The following NTRK2 variants were observed in gnomAD, a reference collection of about 807,000 sequenced individuals.
NTRK2 encodes neurotrophic receptor tyrosine kinase 2.
Under a neutral mutation model 94.5 loss-of-function variants are expected in NTRK2, and 13 were observed. The ratio of observed to expected loss-of-function variants is 0.14; its 90% CI spans 0.09 to 0.22. The LOEUF is 0.22. Among genes scored for constraint, NTRK2 ranks in the 10% least tolerant of loss-of-function variants. NTRK2 has a pLI of 1.00. For missense variants in NTRK2, 639 were observed against 1,071.2 expected (o/e 0.60, Z 5.63); for synonymous variants, 372 against 407.4 (o/e 0.91, Z 1.05).
chr9:84,688,002 C>T (rs2059821196), intron 2 of NTRK2, among the ~76,000 whole-genome samples: 1 of 152,174 alleles, frequency 6.6e-6, no homozygotes, highest in African/African-American at 2.4e-5. Context: ...TTGGACCTCC[C>T]CCTTTCCCTT....
intron 12 of NTRK2, among the ~76,000 whole-genome samples, chr9:84,823,730 A>C (rs2073002331): frequency 6.6e-6 from 1 of 151,940 alleles, no homozygotes; most frequent in Non-Finnish European, 1.5e-5. Context: ...TTTATGTGAA[A>C]TTTTCTAGTT....
At chr9:84,793,639 T>A (rs1282155314) in intron 12 of NTRK2, among the ~76,000 whole-genome samples, 1 of 152,236 alleles carries the variant, frequency 6.6e-6, no homozygotes, top group East Asian at 1.9e-4. Context: ...TTTGATTTGA[T>A]GTGCAGCATA....
intron 12 of NTRK2, among the ~76,000 whole-genome samples, chr9:84,800,750 T>C (rs926002945): frequency 1.3e-5 from 2 of 152,158 alleles, no homozygotes; most frequent in African/African-American, 4.8e-5. Context: ...TGGAAGGACA[T>C]CTTACCTCCC....
intron 9 of NTRK2, among the ~76,000 whole-genome samples, chr9:84,730,602 T>C (rs1267115600): frequency 7.1e-6 from 1 of 140,002 alleles, no homozygotes; most frequent in Non-Finnish European, 1.5e-5. Flanking sequence ...TAGCCGGGCG[T>C]GGTAGCGGGC....
At chr9:84,914,891 T>C (rs941191561) in intron 14 of NTRK2, among the ~76,000 whole-genome samples, 1 of 152,224 alleles carries the variant, frequency 6.6e-6, no homozygotes, top group African/African-American at 2.4e-5. Context: ...TTATGTTTGC[T>C]TAACACAGTG....
At chr9:84,749,808 A>T (rs978102529) in intron 11 of NTRK2, among the ~76,000 whole-genome samples, 1 of 152,224 alleles carries the variant, frequency 6.6e-6, no homozygotes, top group African/African-American at 2.4e-5. Flanking sequence ...TTTTATACTC[A>T]GGAAAAACCC....
At chr9:84,921,112 G>A (rs550209973) in intron 14 of NTRK2, among the ~76,000 whole-genome samples, 1 of 152,260 alleles carries the variant, frequency 6.6e-6, no homozygotes, top group East Asian at 1.9e-4. Context: ...ACAAAATGTG[G>A]GAGCCATAAC....
intron 17 of NTRK2, among the ~76,000 whole-genome samples, chr9:85,015,285 G>T (rs910547016): frequency 2.6e-5 from 4 of 152,078 alleles, no homozygotes; most frequent in African/African-American, 7.2e-5. Flanking sequence ...CCGAGACATG[G>T]GGTTTCTTAT....
At chr9:84,884,098 A>AT (rs2076344490) in intron 14 of NTRK2, among the ~76,000 whole-genome samples, 2 of 152,250 alleles carry the variant, frequency 1.3e-5, no homozygotes, top group African/African-American at 4.8e-5. Flanking sequence ...AAATGATTGA[A>AT]TCACCGTGTT....
intron 16 of NTRK2, among the ~76,000 whole-genome samples, chr9:84,954,331 C>G (rs1823840320): frequency 6.6e-6 from 1 of 152,284 alleles, no homozygotes; most frequent in African/African-American, 2.4e-5. Context: ...GAGCCTGCCG[C>G]GCTGAGGGCG....
At chr9:84,851,546 T>A (rs999848782) in intron 12 of NTRK2, among the ~76,000 whole-genome samples, 4 of 151,902 alleles carry the variant, frequency 2.6e-5, no homozygotes, top group African/African-American at 9.7e-5. Flanking sequence ...TACAATTAAA[T>A]AAACATTTTG....
At chr9:84,777,363 G>T (rs2067149229) in intron 12 of NTRK2, among the ~76,000 whole-genome samples, 1 of 152,160 alleles carries the variant, frequency 6.6e-6, no homozygotes, top group African/African-American at 2.4e-5. Flanking sequence ...GAGATAAATT[G>T]GGGTTAATAA....
chr9:84,946,159 C>T (rs947267599), intron 15 of NTRK2, among the ~76,000 whole-genome samples: 1 of 152,218 alleles, frequency 6.6e-6, no homozygotes, highest in African/African-American at 2.4e-5. Context: ...CATTCCAATA[C>T]TAAATTTAAG....
chr9:84,716,230 A>G (rs1037139631), intron 6 of NTRK2, among the ~76,000 whole-genome samples: 1 of 152,158 alleles, frequency 6.6e-6, no homozygotes, highest in African/African-American at 2.4e-5. Context: ...TATTAGGACA[A>G]TTTCAGTTTT....
intron 12 of NTRK2, among the ~76,000 whole-genome samples, chr9:84,805,589 T>C (rs948174264): frequency 5.9e-5 from 9 of 152,254 alleles, no homozygotes; most frequent in Non-Finnish European, 1.5e-5. Context: ...GCATCCTTCA[T>C]TCTCCTTCAA....
At chr9:84,849,616 C>T (rs1476018274) in intron 12 of NTRK2, among the ~76,000 whole-genome samples, 3 of 152,018 alleles carry the variant, frequency 2.0e-5, no homozygotes, top group African/African-American at 7.2e-5. Flanking sequence ...AGTGGGGAGA[C>T]AAGACAGAAA....
intron 12 of NTRK2, among the ~76,000 whole-genome samples, chr9:84,764,095 T>C (rs936874399): frequency 4.6e-5 from 7 of 152,240 alleles, no homozygotes; most frequent in African/African-American, 1.7e-4. Context: ...GAAGATGATG[T>C]GCACTTCATC....
At chr9:84,701,461 T>C (rs912827748) in intron 2 of NTRK2, among the ~76,000 whole-genome samples, 1 of 152,146 alleles carries the variant, frequency 6.6e-6, no homozygotes, top group Non-Finnish European at 1.5e-5. Context: ...TGCACATCTC[T>C]AAGCCCACCA....
At chr9:84,920,628 T>C (rs1564465042) in intron 14 of NTRK2, among the ~76,000 whole-genome samples, 2 of 152,196 alleles carry the variant, frequency 1.3e-5, no homozygotes, top group Non-Finnish European at 2.9e-5. Context: ...TCTTCTACTC[T>C]ATGTTTCATG....
Sources: gnomAD v4.1 joint callset for allele counts (sites outside exome capture counted in the v4.1 genomes callset) on GRCh38, gnomAD v4.1.1 for gene constraint, MANE v1.5 for transcripts, NCBI Gene and HGNC (gene_info 2026-07-23, HGNC 2026-07-21) for gene names.